ADGRF5: variants seen among roughly 807,000 people sequenced by gnomAD.
The protein encoded by ADGRF5 is adhesion G protein-coupled receptor F5, also known as G-protein coupled receptor 116.
A neutral mutation model predicts 132.3 loss-of-function variants in ADGRF5; 75 were observed. The observed-to-expected ratio is 0.57, with a 90% confidence interval of 0.47 to 0.69. The LOEUF is 0.69. Ranked by LOEUF, ADGRF5 falls within the 30% of genes least tolerant of loss-of-function variation. ADGRF5 has a pLI of 0.00. For synonymous variants in ADGRF5, 629 were observed against 597.6 expected, an observed-to-expected ratio of 1.05 and a Z score of -0.77; for missense variants, 1,516 against 1,630.6, an observed-to-expected ratio of 0.93 and a Z score of 1.21.
chr6:46,873,511 C>A (rs995239803), intron 10 of ADGRF5, among the ~76,000 whole-genome samples: 1 of 152,106 alleles, frequency 6.6e-6, no homozygotes, highest in African/African-American at 2.4e-5. Flanking sequence ...GTCTCCCGCC[C>A]CTCTTTTCTC....
At chr6:46,954,034 T>C (rs569367792) in intron 1 of ADGRF5, among the ~76,000 whole-genome samples, 11 of 152,066 alleles carry the variant, frequency 7.2e-5, no homozygotes, top group African/African-American at 2.7e-4. Flanking sequence ...TGACCTATCA[T>C]CTTGAGCCTC....
At chr6:46,865,005 G>C (rs540901436) in intron 14 of ADGRF5, 37 bp downstream of exon 14, 40 of 1,448,150 alleles carry the variant, frequency 2.8e-5, no homozygotes, top group African/African-American at 4.2e-5. Flanking sequence ...TCCCTGCCCT[G>C]ACTATAACAT....
At chr6:46,868,607 A>C (rs1333289931) in intron 12 of ADGRF5, among the ~76,000 whole-genome samples, 7 of 152,212 alleles carry the variant, frequency 4.6e-5, no homozygotes, top group Admixed American at 3.9e-4. Context: ...AACAATCCTC[A>C]TAACTTAATG....
At chr6:46,926,672 G>A (rs1361854515), upstream of ADGRF5, among the ~76,000 whole-genome samples, 1 of 152,098 alleles carries the variant, frequency 6.6e-6, no homozygotes, top group African/African-American at 2.4e-5. Flanking sequence ...CACTTCTGAT[G>A]CCCATGGTAT....
intron 8 of ADGRF5, among the ~76,000 whole-genome samples, chr6:46,880,806 C>T (rs976711669): frequency 1.4e-4 from 21 of 152,174 alleles, no homozygotes; most frequent in African/African-American, 4.8e-4. Flanking sequence ...AAAATAAAAA[C>T]ACAGCCAGGC....
At chr6:46,861,014 A>C in intron 15 of ADGRF5, 120 bp from the exon 16 acceptor site, 2 of 689,926 alleles carry the variant, frequency 2.9e-6, no homozygotes, top group South Asian at 3.9e-5. Context: ...CTCCATTTCC[A>C]TAAATATGTC....
chr6:46,919,338 T>C (rs990674207), intron 1 of ADGRF5, among the ~76,000 whole-genome samples: 1 of 152,246 alleles, frequency 6.6e-6, no homozygotes, highest in Non-Finnish European at 1.5e-5. Context: ...ACCTCTGAAC[T>C]TCCTGTTTTT....
chr6:46,871,018 A>G (rs1174522935), intron 11 of ADGRF5: 1 of 152,714 alleles, frequency 6.5e-6, no homozygotes, highest in Non-Finnish European at 1.4e-5. Flanking sequence ...AGATATATAG[A>G]TAGATTACGC....
At chr6:46,893,202 T>A (rs1259302606) in intron 3 of ADGRF5, among the ~76,000 whole-genome samples, 2 of 150,716 alleles carry the variant, frequency 1.3e-5, no homozygotes, top group African/African-American at 4.9e-5. Context: ...AGTAAACAGG[T>A]GTTAAAACCC....
chr6:46,900,183 G>T, intron 2 of ADGRF5, 100 bp from the exon 3 acceptor site: 1 of 887,472 alleles, frequency 1.1e-6, no homozygotes, highest in Non-Finnish European at 1.9e-6. Flanking sequence ...CTGAGCTTAA[G>T]GCTGCAGACT....
chr6:46,912,150 G>C (rs111350640), intron 1 of ADGRF5, among the ~76,000 whole-genome samples: 1 of 152,172 alleles, frequency 6.6e-6, no homozygotes, highest in African/African-American at 2.4e-5. Context: ...GTAAGTGACA[G>C]AGCCAGGATT....
At chr6:46,948,406 G>A (rs1778374608) in intron 1 of ADGRF5, among the ~76,000 whole-genome samples, 1 of 151,770 alleles carries the variant, frequency 6.6e-6, no homozygotes, top group Non-Finnish European at 1.5e-5. Context: ...AATAAATAAA[G>A]GATCAGAAAC....
chr6:46,895,701 C>T (rs1774108239), intron 3 of ADGRF5, among the ~76,000 whole-genome samples: 1 of 151,494 alleles, frequency 6.6e-6, no homozygotes, highest in Admixed American at 6.6e-5. Flanking sequence ...GAATAATCAA[C>T]TGGGGCTCTT....
chr6:46,900,137 T>C lies in ADGRF5; in HGVS notation c.103-54A>G. The C allele has an allele frequency of 3.0e-6, 4 of 1,319,320 alleles. No individual in the cohort carries two copies. The South Asian group carries it at 4.7e-5, about 16-fold the overall frequency. 81.7% of individuals were successfully genotyped at this position (1,319,320 alleles called of 1,614,324 possible). ...ATTAACGTTAGAGAAGTCTTTTCAC[T>C]GTGGCTCCCCGCTTAGATACCCCTA... On this transcript the variant is annotated intron_variant, in intron 2 of 20. Transcript: ENST00000283296.
intron 15 of ADGRF5, among the ~76,000 whole-genome samples, chr6:46,862,232 T>TCA (rs2150788486): frequency 6.6e-6 from 1 of 152,204 alleles, no homozygotes; most frequent in East Asian, 1.9e-4. Context: ...ACCTATAACC[T>TCA]CACCAGTTGC....
chr6:46,891,648 A>T (rs1274238407), intron 3 of ADGRF5, among the ~76,000 whole-genome samples: 1 of 152,212 alleles, frequency 6.6e-6, no homozygotes, highest in South Asian at 2.1e-4. Flanking sequence ...CCTGAGGGTC[A>T]TGTCTGCCCC....
At chr6:46,938,179 T>C (rs1010252248) in intron 1 of ADGRF5, among the ~76,000 whole-genome samples, 3 of 152,200 alleles carry the variant, frequency 2.0e-5, no homozygotes, top group Non-Finnish European at 4.4e-5. Flanking sequence ...TGAATTCCAG[T>C]GTTCACTCTG....
chr6:46,925,004 T>C (rs1327978788), upstream of ADGRF5, among the ~76,000 whole-genome samples: 1 of 152,232 alleles, frequency 6.6e-6, no homozygotes, highest in Admixed American at 6.5e-5. Context: ...TTATAGTCTG[T>C]TCTGAAGACT....
intron 20 of ADGRF5, chr6:46,854,824 A>G: frequency 2.0e-6 from 2 of 978,726 alleles, no homozygotes; most frequent in South Asian, 1.3e-5. Context: ...GGGGCCCCCA[A>G]ACATGCCCAA....
Sources: allele counts gnomAD v4.1 joint callset (sites outside exome capture counted in the v4.1 genomes callset), GRCh38; gene constraint gnomAD v4.1.1; transcripts MANE v1.5; gene names NCBI Gene and HGNC (gene_info 2026-07-23, HGNC 2026-07-21).